Variants in TYW1 observed in about 807,000 individuals in gnomAD.
The protein encoded by TYW1 is tRNA-yW synthesizing protein 1 homolog.
In TYW1, 46 loss-of-function variants were observed where a neutral mutation model predicts 96.2. That is an observed-to-expected ratio of 0.48 (90% CI 0.38 to 0.61). The LOEUF (loss-of-function observed/expected upper bound fraction) is 0.61, where lower values mean the gene tolerates loss of function less well. Among genes scored for constraint, TYW1 ranks in the 20% least tolerant of loss-of-function variants. The pLI, the probability that TYW1 is intolerant of heterozygous loss-of-function variation, is 0.00. For missense variants in TYW1, 684 were observed against 909.6 expected, an observed-to-expected ratio of 0.75 and a Z score of 3.19; for synonymous variants, 274 against 323.0, an observed-to-expected ratio of 0.85 and a Z score of 1.63.
intron 13 of TYW1, among the ~76,000 whole-genome samples, chr7:67,119,007 A>T (rs1797685089): frequency 6.6e-6 from 1 of 151,872 alleles, no homozygotes; most frequent in Non-Finnish European, 1.5e-5. Context: ...GTTCACACTG[A>T]ATGTCATTTT....
At chr7:67,033,945 G>C (rs1311929579) in intron 7 of TYW1, among the ~76,000 whole-genome samples, 1 of 151,736 alleles carries the variant, frequency 6.6e-6, no homozygotes, top group South Asian at 2.1e-4. Context: ...TGCCCACCTC[G>C]GCCTCCCAGA....
intron 15 of TYW1, among the ~76,000 whole-genome samples, chr7:67,212,999 C>A (rs1315897433): frequency 1.3e-5 from 2 of 151,344 alleles, no homozygotes; most frequent in Non-Finnish European, 2.9e-5. Context: ...CCTCAGCCTC[C>A]CAAGTAGCTG....
At chr7:67,180,937 T>TCC (rs1459570293) in intron 13 of TYW1, among the ~76,000 whole-genome samples, 1 of 151,878 alleles carries the variant, frequency 6.6e-6, no homozygotes, top group South Asian at 2.1e-4. Context: ...AGCCACTGCG[T>TCC]CCGGCCCCTC....
intron 9 of TYW1, among the ~76,000 whole-genome samples, chr7:67,060,406 G>A (rs958930272): frequency 6.6e-6 from 1 of 152,208 alleles, no homozygotes; most frequent in African/African-American, 2.4e-5. Flanking sequence ...AAAATAAAAG[G>A]TAAACTTAAT....
Position 67,096,580 on chromosome 7 carries a change from G to T in TYW1, c.1385-1961G>T, listed in dbSNP as rs565711269. Reference sequence around the variant, plus strand: ...TCAAGGTGATATATATTTTTTCTTTGTTTTTTTTTTAACTCTTAAGTTCAG... The same window carrying T: ...TCAAGGTGATATATATTTTTTCTTTTTTTTTTTTTTAACTCTTAAGTTCAG... On this transcript the variant is annotated intron_variant, in intron 11 of 15. Transcript: ENST00000359626. Among the ~76,000 whole-genome samples, 39 of 149,716 alleles carry T rather than the reference G, an allele frequency of 2.6e-4. 1 individual carries two copies. The highest frequency in any genetic ancestry group is 9.3e-4 in the African/African-American group (38 of 40,862).
chr7:67,004,023 G>A (rs1003701516), intron 3 of TYW1, among the ~76,000 whole-genome samples: 14 of 151,586 alleles, frequency 9.2e-5, no homozygotes, highest in African/African-American at 3.4e-4. Flanking sequence ...CAGTCTGGGG[G>A]ACAGAGTGAA....
chr7:67,032,349 T>C (rs1794696974), intron 7 of TYW1, among the ~76,000 whole-genome samples: 1 of 152,164 alleles, frequency 6.6e-6, no homozygotes, highest in Non-Finnish European at 1.5e-5. Context: ...CCTGGCGTGC[T>C]GAATTGCACA....
intron 11 of TYW1, among the ~76,000 whole-genome samples, chr7:67,085,694 C>T (rs1435491937): frequency 3.9e-5 from 6 of 152,068 alleles, no homozygotes; most frequent in Non-Finnish European, 1.5e-5. Flanking sequence ...GTAGGCTTAG[C>T]ACGGTGCCTC....
intron 13 of TYW1, among the ~76,000 whole-genome samples, chr7:67,165,267 G>C (rs940896068): frequency 6.6e-6 from 1 of 152,202 alleles, no homozygotes; most frequent in African/African-American, 2.4e-5. Flanking sequence ...GCCTCAACTA[G>C]AGTATGTGTT....
At chr7:67,036,301 A>G (rs949582824) in intron 7 of TYW1, among the ~76,000 whole-genome samples, 3 of 151,804 alleles carry the variant, frequency 2.0e-5, no homozygotes, top group Admixed American at 1.3e-4. Context: ...CCAATTATAC[A>G]TGGGATTATA....
chr7:67,066,518 T>C (rs1436001736), intron 9 of TYW1, among the ~76,000 whole-genome samples: 2 of 152,172 alleles, frequency 1.3e-5, no homozygotes, highest in Non-Finnish European at 2.9e-5. Context: ...ATTTCTTGTA[T>C]ACCTGCTGCT....
chr7:67,016,905 G>A (rs1247290033), intron 5 of TYW1, among the ~76,000 whole-genome samples: 2 of 151,738 alleles, frequency 1.3e-5, no homozygotes, highest in Admixed American at 6.6e-5. Context: ...AATTATAGGC[G>A]TGAGCCACTG....
intron 7 of TYW1, among the ~76,000 whole-genome samples, chr7:67,042,168 T>C (rs1795050356): frequency 6.8e-6 from 1 of 147,974 alleles, no homozygotes; most frequent in South Asian, 2.1e-4. Context: ...AATATATAAT[T>C]AGAATTAGAA....
At chr7:67,007,764 A>G (rs1466949782) in intron 3 of TYW1, among the ~76,000 whole-genome samples, 2 of 151,886 alleles carry the variant, frequency 1.3e-5, no homozygotes, top group African/African-American at 4.8e-5. Context: ...CCTCCCAAGT[A>G]GCTGGGATTA....
chr7:67,016,794 T>G (rs564080339), intron 5 of TYW1, among the ~76,000 whole-genome samples: 17 of 151,864 alleles, frequency 1.1e-4, no homozygotes, highest in African/African-American at 3.9e-4. Context: ...ATCCAGCTAG[T>G]TTTTGTATTT....
chr7:67,190,831 A>G (rs1800182564), intron 14 of TYW1, among the ~76,000 whole-genome samples: 1 of 152,226 alleles, frequency 6.6e-6, no homozygotes, highest in Non-Finnish European at 1.5e-5. Flanking sequence ...ATAGGGGACA[A>G]AAACAGTATT....
chr7:67,069,084 A>C (rs1795957893), intron 10 of TYW1, among the ~76,000 whole-genome samples: 1 of 151,604 alleles, frequency 6.6e-6, no homozygotes, highest in Non-Finnish European at 1.5e-5. Context: ...TTTTTTTTCC[A>C]GTTATTCCTA....
intron 15 of TYW1, among the ~76,000 whole-genome samples, chr7:67,215,705 C>G (rs1292313815): frequency 2.0e-5 from 3 of 151,858 alleles, no homozygotes; most frequent in Non-Finnish European, 2.9e-5. Flanking sequence ...TCACAAGGTC[C>G]CACAATAAGC....
At chr7:67,148,094 TC>T (rs1222590993) in intron 13 of TYW1, among the ~76,000 whole-genome samples, 1 of 151,570 alleles carries the variant, frequency 6.6e-6, no homozygotes, top group Non-Finnish European at 1.5e-5. Context: ...GGAGGAAGGG[TC>T]ACAGAAGGCT....
Sources: gnomAD v4.1 joint callset for allele counts (sites outside exome capture counted in the v4.1 genomes callset) on GRCh38, gnomAD v4.1.1 for gene constraint, MANE v1.5 for transcripts, NCBI Gene and HGNC (gene_info 2026-07-23, HGNC 2026-07-21) for gene names.